Variants in NOX3 observed in about 807,000 individuals in gnomAD.
NOX3 encodes NADPH oxidase catalytic subunit-like 3.
In NOX3, 74 loss-of-function variants were observed where a neutral mutation model predicts 76.7. The observed-to-expected ratio is 0.96, with a 90% confidence interval of 0.80 to 1.17. The LOEUF (loss-of-function observed/expected upper bound fraction) is 1.17. Among genes scored for constraint, NOX3 ranks in the 50% most tolerant of loss-of-function variants. NOX3 has a pLI of 0.00. For missense variants in NOX3, 695 were observed against 703.3 expected, an observed-to-expected ratio of 0.99 and a Z score of 0.13; for synonymous variants, 263 against 261.1, an observed-to-expected ratio of 1.01 and a Z score of -0.07.
chr6:155,433,699 G>A (rs534311070), intron 7 of NOX3, among the ~76,000 whole-genome samples: 1 of 152,052 alleles, frequency 6.6e-6, no homozygotes, highest in South Asian at 2.1e-4. Context: ...GACTTAGAGT[G>A]AATGCTGTGA....
chr6:155,449,082 T>C (rs2114709226), intron 4 of NOX3, among the ~76,000 whole-genome samples: 1 of 152,274 alleles, frequency 6.6e-6, no homozygotes, highest in African/African-American at 2.4e-5. Context: ...GGAGCAATCC[T>C]TGAGGGGTCA....
intron 10 of NOX3, 110 bp downstream of exon 10, chr6:155,422,584 G>C: frequency 9.7e-7 from 1 of 1,026,922 alleles, no homozygotes; most frequent in Non-Finnish European, 1.5e-6. Flanking sequence ...GGATCCTTGA[G>C]TTTATCCCTC....
Position 155,440,280 on chromosome 6 carries a change from G to A in NOX3, c.487-143C>T, listed in dbSNP as rs944859671. 46 of 624,332 alleles carry A rather than the reference G, an allele frequency of 7.4e-5. No individual in the cohort carries two copies. The African/African-American group carries it at 8.3e-4, about 11-fold the overall frequency. 38.7% of individuals were successfully genotyped at this position (624,332 alleles called of 1,614,324 possible). A position where few individuals can be genotyped will look rare whatever the true frequency, so the allele number is the denominator to read the frequency against. ...GGAGCCGTTCACAATGTTTCACTCA[G>A]AAGCACGTTAGCCTCAGCGAGGATG... On this transcript the variant is annotated intron_variant, in intron 5 of 13. Transcript: ENST00000159060.
intron 9 of NOX3, among the ~76,000 whole-genome samples, chr6:155,425,752 C>T (rs1323249660): frequency 6.6e-6 from 1 of 152,196 alleles, no homozygotes; most frequent in Non-Finnish European, 1.5e-5. Flanking sequence ...AGATCACACA[C>T]AAAGTTGGGC....
chr6:155,435,043 A>G (rs1162838682), intron 7 of NOX3, among the ~76,000 whole-genome samples: 8 of 152,178 alleles, frequency 5.3e-5, no homozygotes, highest in Non-Finnish European at 7.3e-5. Context: ...TTCAGTGTCT[A>G]TAAGACATCA....
chr6:155,400,143 C>A (rs1779204028), intron 12 of NOX3, among the ~76,000 whole-genome samples: 1 of 152,156 alleles, frequency 6.6e-6, no homozygotes, highest in Non-Finnish European at 1.5e-5. Context: ...GTGCATTTTT[C>A]AAAAACAGTT....
chr6:155,438,589 G>T (rs928655965), intron 6 of NOX3, among the ~76,000 whole-genome samples: 4 of 152,342 alleles, frequency 2.6e-5, no homozygotes, highest in African/African-American at 9.6e-5. Context: ...GAAGTAGGGG[G>T]CTGAGAAGAC....
intron 10 of NOX3, among the ~76,000 whole-genome samples, chr6:155,415,456 T>C (rs1001604377): frequency 6.6e-5 from 10 of 152,136 alleles, no homozygotes; most frequent in African/African-American, 2.4e-4. Flanking sequence ...CCAAAATAAA[T>C]TTCCAGAGAA....
rs777395673 is a variant in NOX3 at position 155,443,268 on chromosome 6, C to G, written c.486+5G>C. On this transcript the variant is annotated splice_donor_5th_base_variant and intron_variant, in intron 5 of 13. Transcript: ENST00000159060. ...GGAGAAGCTTGTTAGCATGCAGGAA[C>G]TCACTGTGGGGAAGGTCCGGACAGG... The G allele has an allele frequency of 6.2e-7, 1 of 1,610,742 alleles. No homozygotes were observed. The highest frequency in any genetic ancestry group is 1.7e-4 in the Middle Eastern group (1 of 6,048).
rs1554264832 is a variant in NOX3, at chr6:155,445,997, A to ATATAAT, written c.341-2580_341-2579insATTATA. Among the ~76,000 whole-genome samples, 21 of 65,548 alleles carry ATATAAT rather than the reference A, an allele frequency of 3.2e-4. 1 individual carries two copies. The highest frequency in any genetic ancestry group is 1.0e-3 in the East Asian group (4 of 4,014). The allele number at this position is 65,548 out of a possible 152,430, so 43.0% of individuals were successfully genotyped here. ...ATATATATGCTATATATATATATAT[A>ATATAAT]ATATATATATATTGCACATTTTTCT... On this transcript the variant is annotated intron_variant, in intron 4 of 13. Transcript: ENST00000159060.
At position 155,395,430 on chromosome 6, in the gene NOX3, A is replaced by G. The variant is rs1779125466; in HGVS notation, c.*172T>C. The stretch of plus-strand genomic sequence containing the variant: ...TTTGTTCTGTTGTATATGACATGTT[A>G]TTTATAAGCTAAGGAAGTATGGTAT... On this transcript the variant is annotated 3_prime_UTR_variant, in exon 14 of 14. Transcript: ENST00000159060. The G allele has an allele frequency of 6.6e-6, 1 of 152,200 alleles. No homozygotes were observed. The allele number at this position is 152,200 out of a possible 1,614,324, so 9.4% of individuals were successfully genotyped here. A position where few individuals can be genotyped will look rare whatever the true frequency, so the allele number is the denominator to read the frequency against.
At position 155,428,763 on chromosome 6, in the gene NOX3, C is replaced by T. The variant is rs758840729; in HGVS notation, c.1145+31G>A. 1.7e-5 allele frequency: 25 copies of T among 1,461,866 alleles called. 1 individual carries two copies. The East Asian group carries it at 3.5e-4, about 21-fold the overall frequency. The allele number at this position is 1,461,866 out of a possible 1,614,324, so 90.6% of individuals were successfully genotyped here. On this transcript the variant is annotated intron_variant, in intron 9 of 13. Transcript: ENST00000159060. Reference sequence around the variant, plus strand: ...AGATACCTTACTTTTTATAATACTGCAATTTATACATGAGAGAAATGGGCA... The same window carrying T: ...AGATACCTTACTTTTTATAATACTGTAATTTATACATGAGAGAAATGGGCA...
chr6:155,446,408 A>T lies in NOX3; in HGVS notation c.341-2990T>A, dbSNP rs141976827. 3.2e-3 allele frequency among the ~76,000 whole-genome samples: 487 copies of T among 152,292 alleles called. 7 individuals carry two copies. The highest frequency in any genetic ancestry group is 0.011 in the African/African-American group (461 of 41,548). On this transcript the variant is annotated intron_variant, in intron 4 of 13. Coordinates refer to ENST00000159060, the MANE Select transcript of NOX3 (RefSeq NM_015718.3). ...GCAGGTAGTACGTCTCATAGCAAAC[A>T]TATTGAATATTTACTATACAACAGA... is the stretch of plus-strand genomic sequence containing the variant.
At chr6:155,438,764 C>A (rs1358535590) in intron 6 of NOX3, among the ~76,000 whole-genome samples, 1 of 152,204 alleles carries the variant, frequency 6.6e-6, no homozygotes, top group Admixed American at 6.5e-5. Flanking sequence ...CTTCCAGGTC[C>A]GCGCAGAGTC....
chr6:155,426,327 G>A (rs1776754374), intron 9 of NOX3, among the ~76,000 whole-genome samples: 1 of 152,158 alleles, frequency 6.6e-6, no homozygotes, highest in Non-Finnish European at 1.5e-5. Flanking sequence ...GTAAAGTGAA[G>A]CAAACAGAGG....
chr6:155,403,374 T>C (rs1415039840), intron 12 of NOX3, among the ~76,000 whole-genome samples: 1 of 152,206 alleles, frequency 6.6e-6, no homozygotes, highest in Non-Finnish European at 1.5e-5. Context: ...TTTGCCTTCA[T>C]GTGTCTAATA....
rs12195525 is a variant in NOX3, at chr6:155,454,846, G to A, written c.220C>T (p.Arg74Ter). 5.6e-6 allele frequency: 9 copies of A among 1,601,432 alleles called. No individual in the cohort carries two copies. The highest frequency in any genetic ancestry group is 3.6e-5 in the Admixed American group (2 of 55,592). Residue 74 changes from arginine to a stop codon, truncating the protein, a stop_gained, in exon 3 of 14, where the codon CGA becomes TGA. Transcript: ENST00000159060. LOFTEE classifies it high-confidence loss of function. Reference protein sequence around the residue: ...NCMLILIPVSRNLISFIRGTS... With the variant: ...NCMLILIPVS ...CCTCTTATGAATGAAATAAGGTTTC[G>A]ACTGACAGGTATTAGAATTAGCATG...
At chr6:155,437,244 C>T (rs1776918325) in intron 6 of NOX3, among the ~76,000 whole-genome samples, 1 of 152,128 alleles carries the variant, frequency 6.6e-6, no homozygotes, top group South Asian at 2.1e-4. Flanking sequence ...GGTACAAGCT[C>T]CTAGGGTTCC....
At chr6:155,428,586 C>CT (rs35328292) in intron 9 of NOX3, among the ~76,000 whole-genome samples, 10,311 of 138,346 alleles carry the variant, frequency 0.075, 1,366 homozygotes, top group East Asian at 0.67. Flanking sequence ...GTCTTTTTTT[C>CT]TTTTTTTTTT....
Sources: gnomAD v4.1 joint callset for allele counts (sites outside exome capture counted in the v4.1 genomes callset) on GRCh38, gnomAD v4.1.1 for gene constraint, MANE v1.5 for transcripts, NCBI Gene and HGNC (gene_info 2026-07-23, HGNC 2026-07-21) for gene names.